Variants in MCTP1 observed in about 807,000 individuals in gnomAD.
MCTP1 encodes the protein multiple C2 and transmembrane domain-containing protein 1.
In MCTP1, 69 loss-of-function variants were observed where a neutral mutation model predicts 120.6. The observed-to-expected ratio is 0.57, with a 90% confidence interval of 0.47 to 0.70. The LOEUF (loss-of-function observed/expected upper bound fraction) is 0.70, where lower values mean the gene tolerates loss of function less well. Ranked by LOEUF, MCTP1 falls within the 30% of genes least tolerant of loss-of-function variation. The pLI is 0.00. For synonymous variants in MCTP1, 529 were observed against 493.1 expected, an observed-to-expected ratio of 1.07 and a Z score of -0.96; for missense variants, 1,203 against 1,248.8, an observed-to-expected ratio of 0.96 and a Z score of 0.55.
chr5:95,274,300 G>A (rs1041757164), intron 1 of MCTP1, among the ~76,000 whole-genome samples: 6 of 152,134 alleles, frequency 3.9e-5, no homozygotes, highest in African/African-American at 1.4e-4. Context: ...GGAAGTGGCC[G>A]CCAGACAGAA....
chr5:94,783,385 G>A (rs1776980516), intron 18 of MCTP1, among the ~76,000 whole-genome samples: 1 of 151,990 alleles, frequency 6.6e-6, no homozygotes, highest in South Asian at 2.1e-4. Context: ...TATTTTATGT[G>A]GTTTTAGAGG....
chr5:95,190,983 A>G (rs1749766434), intron 1 of MCTP1, among the ~76,000 whole-genome samples: 1 of 152,026 alleles, frequency 6.6e-6, no homozygotes, highest in African/African-American at 2.4e-5. Context: ...TCAGTCAAAC[A>G]CAAAGAAAAG....
intron 3 of MCTP1, among the ~76,000 whole-genome samples, chr5:94,952,185 A>AAAAAAAAAAAAAAAAAAAAAAC (rs1820793384): frequency 6.6e-6 from 1 of 151,428 alleles, no homozygotes; most frequent in Non-Finnish European, 1.5e-5. Context: ...AAAAAAAAAA[A>AAAAAAAAAAAAAAAAAAAAAAC]AAAAAAAAGC....
intron 19 of MCTP1, among the ~76,000 whole-genome samples, chr5:94,760,550 G>A (rs1771081557): frequency 6.6e-6 from 1 of 152,134 alleles, no homozygotes; most frequent in Admixed American, 6.6e-5. Flanking sequence ...CCAGAACAAA[G>A]AAATAGCATT....
intron 20 of MCTP1, among the ~76,000 whole-genome samples, chr5:94,713,390 A>G (rs1296314265): frequency 6.6e-6 from 1 of 152,138 alleles, no homozygotes; most frequent in Non-Finnish European, 1.5e-5. Context: ...CATGTTTTCC[A>G]GCCAAGCATC....
At position 95,175,952 on chromosome 5, in the gene MCTP1, T is replaced by A. The variant is rs185200718; in HGVS notation, c.720+107904A>T. 1.1e-3 allele frequency among the ~76,000 whole-genome samples: 167 copies of A among 152,284 alleles called. 1 individual carries two copies. The highest frequency in any genetic ancestry group is 3.8e-3 in the African/African-American group (158 of 41,550). On this transcript the variant is annotated intron_variant, in intron 1 of 22. Coordinates refer to ENST00000515393, the MANE Select transcript of MCTP1 (RefSeq NM_024717.7). ...TTGTTTTCCAGAAGTGCTAGCAGAA[T>A]ATCAGGATAAGATGGACAAAACGCA...
intron 2 of MCTP1, among the ~76,000 whole-genome samples, chr5:94,995,885 A>G (rs1832526683): frequency 6.6e-6 from 1 of 152,206 alleles, no homozygotes; most frequent in African/African-American, 2.4e-5. Flanking sequence ...AAGGTGAAGA[A>G]CAAAAGATAT....
chr5:95,045,453 A>G (rs76129340), intron 1 of MCTP1, among the ~76,000 whole-genome samples: 1,831 of 152,300 alleles, frequency 0.012, 20 homozygotes, highest in Non-Finnish European at 0.021. Context: ...ACATTTGCTG[A>G]CTGACTGACT....
At position 95,284,679 on chromosome 5, in the gene MCTP1, T is replaced by TGGC. The variant is rs71910468; in HGVS notation, c.-107_-105dup. ...TCCCGGGTCCCCGCGGCGCTGGCGG[T>TGGC]GGCGGCGGCGGCGGCGGCGGGCGCA... On this transcript the variant is annotated 5_prime_UTR_variant, in exon 1 of 23. Coordinates refer to ENST00000515393, the MANE Select transcript of MCTP1 (RefSeq NM_024717.7). The surrounding 1 kb of genome is among the most constrained non-coding windows in gnomAD (Gnocchi z 5.2). 137 of 980,758 alleles carry TGGC rather than the reference T, an allele frequency of 1.4e-4. No individual in the cohort carries two copies. Among genetic ancestry groups the TGGC allele is most frequent in the African/African-American group, 9.3e-4 (52 of 55,642 alleles). The allele number at this position is 980,758 out of a possible 1,614,324, so 60.8% of individuals were successfully genotyped here. A position where few individuals can be genotyped will look rare whatever the true frequency, so the allele number is the denominator to read the frequency against.
chr5:95,009,087 A>T (rs1430939541), intron 2 of MCTP1, among the ~76,000 whole-genome samples: 1 of 143,194 alleles, frequency 7.0e-6, no homozygotes, highest in Non-Finnish European at 1.6e-5. Flanking sequence ...AGAGAGAGAG[A>T]GAGAGAGAGA....
chr5:94,780,355 A>T (rs922758156), intron 18 of MCTP1, among the ~76,000 whole-genome samples: 1 of 152,052 alleles, frequency 6.6e-6, no homozygotes, highest in African/African-American at 2.4e-5. Context: ...ACATAAACTG[A>T]GATAACATAT....
At chr5:95,233,101 C>G (rs1452305504) in intron 1 of MCTP1, among the ~76,000 whole-genome samples, 1 of 152,170 alleles carries the variant, frequency 6.6e-6, no homozygotes, top group East Asian at 1.9e-4. Flanking sequence ...AACAACACAA[C>G]CTGACCTGAC....
chr5:95,249,800 A>G (rs2152695861), intron 1 of MCTP1, among the ~76,000 whole-genome samples: 1 of 152,350 alleles, frequency 6.6e-6, no homozygotes, highest in African/African-American at 2.4e-5. Context: ...AATGTGGCAC[A>G]TATACATCAT....
At chr5:95,184,221 T>C (rs2152520426) in intron 1 of MCTP1, among the ~76,000 whole-genome samples, 1 of 152,096 alleles carries the variant, frequency 6.6e-6, no homozygotes, top group South Asian at 2.1e-4. Context: ...GACCCAAAGG[T>C]ATAGAATCTC....
At chr5:95,218,617 T>C (rs1354976787) in intron 1 of MCTP1, among the ~76,000 whole-genome samples, 1 of 152,198 alleles carries the variant, frequency 6.6e-6, no homozygotes, top group Non-Finnish European at 1.5e-5. Context: ...GGGACTGAGC[T>C]CCAGGTAACT....
chr5:95,123,057 A>G (rs945053939), intron 1 of MCTP1, among the ~76,000 whole-genome samples: 3 of 152,230 alleles, frequency 2.0e-5, no homozygotes, highest in Admixed American at 6.5e-5. Flanking sequence ...CTAGTATTTG[A>G]CAGTGCAACA....
At chr5:94,858,648 A>T (rs1795170832) in intron 17 of MCTP1, among the ~76,000 whole-genome samples, 2 of 151,614 alleles carry the variant, frequency 1.3e-5, no homozygotes, top group African/African-American at 4.8e-5. Flanking sequence ...ATTACTAGTC[A>T]TTGGGGGAAA....
At chr5:95,017,796 T>C (rs1837403301) in intron 1 of MCTP1, among the ~76,000 whole-genome samples, 1 of 152,080 alleles carries the variant, frequency 6.6e-6, no homozygotes, top group South Asian at 2.1e-4. Context: ...AACATAGAAA[T>C]ACTGTCTGAA....
At chr5:95,242,350 G>T (rs1019357011) in intron 1 of MCTP1, among the ~76,000 whole-genome samples, 12 of 152,058 alleles carry the variant, frequency 7.9e-5, no homozygotes, top group Middle Eastern at 3.2e-3. Context: ...CTAATGGTTG[G>T]CATCTTTTTA....
Sources: allele counts gnomAD v4.1 joint callset (sites outside exome capture counted in the v4.1 genomes callset), GRCh38; gene constraint gnomAD v4.1.1; non-coding constraint Gnocchi (gnomAD v3.1); transcripts MANE v1.5; gene names NCBI Gene and HGNC (gene_info 2026-07-23, HGNC 2026-07-21).